THRAP3: variants seen among roughly 807,000 people sequenced by gnomAD.
The protein encoded by THRAP3 is thyroid hormone receptor associated protein 3, also known as thyroid hormone receptor-associated protein 3.
A neutral mutation model predicts 101.0 loss-of-function variants in THRAP3; 16 were observed. That is an observed-to-expected ratio of 0.16 (90% CI 0.11 to 0.24). THRAP3 has a LOEUF of 0.24. THRAP3 is among the 10% of genes least tolerant of loss of function. The pLI is 1.00. For synonymous variants in THRAP3, 407 were observed against 422.6 expected, an observed-to-expected ratio of 0.96 and a Z score of 0.45; for missense variants, 989 against 1,202.7, an observed-to-expected ratio of 0.82 and a Z score of 2.63.
chr1:36,287,258 C>T lies in THRAP3; in HGVS notation c.1028C>T (p.Ala343Val). Residue 343 changes from alanine to valine, a missense_variant, in exon 4 of 12, where the codon GCC (alanine) becomes GTC (valine). Coordinates refer to ENST00000354618, the MANE Select transcript of THRAP3 (RefSeq NM_005119.4). ...KEESAASGGA[A>V]YTKRYLEEQK... ...GAGAGTGCTGCTTCAGGAGGAGCAG[C>T]CTATACAAAGAGGCAAGTATCTCAT... is the stretch of plus-strand genomic sequence containing the variant. The T allele has an allele frequency of 5.6e-6, 9 of 1,602,874 alleles. No individual in the cohort carries two copies. The highest frequency in any genetic ancestry group is 7.7e-6 in the Non-Finnish European group (9 of 1,174,336).
upstream of THRAP3, among the ~76,000 whole-genome samples, chr1:36,223,996 A>C (rs1267915091): frequency 6.6e-6 from 1 of 152,134 alleles, no homozygotes; most frequent in African/African-American, 2.4e-5. Flanking sequence ...GAGAGGAGGG[A>C]TGAATTTGCT....
Position 36,304,138 on chromosome 1 carries a change from C to T in THRAP3, c.*121C>T, listed in dbSNP as rs528690330. 99 of 1,393,806 alleles carry T rather than the reference C, an allele frequency of 7.1e-5. 1 individual carries two copies. The Admixed American group carries it at 7.7e-4, about 11-fold the overall frequency. 86.3% of individuals were successfully genotyped at this position (1,393,806 alleles called of 1,614,324 possible). A position where few individuals can be genotyped will look rare whatever the true frequency, so the allele number is the denominator to read the frequency against. On this transcript the variant is annotated 3_prime_UTR_variant, in exon 12 of 12. Coordinates refer to ENST00000354618, the MANE Select transcript of THRAP3 (RefSeq NM_005119.4). ...AATCCTACCCCCACCCCCCACCAGC[C>T]GCACAGATTGTACTACCGCGAGAGG...
At chr1:36,261,832 G>A (rs900220817) in intron 2 of THRAP3, among the ~76,000 whole-genome samples, 3 of 152,112 alleles carry the variant, frequency 2.0e-5, no homozygotes, top group African/African-American at 4.8e-5. Context: ...GGTCTCTTAC[G>A]TAGAGTTGTG....
At chr1:36,256,222 AT>A (rs1645373810) in intron 1 of THRAP3, among the ~76,000 whole-genome samples, 1 of 87,898 alleles carries the variant, frequency 1.1e-5, no homozygotes, top group Admixed American at 1.3e-4. Context: ...TATTATTGTT[AT>A]TATTATTATT....
chr1:36,282,802 TG>T (rs543579250), intron 3 of THRAP3, 102 bp downstream of exon 3: 92 of 1,381,116 alleles, frequency 6.7e-5, no homozygotes, highest in Non-Finnish European at 8.4e-5. Flanking sequence ...TCAAATGGAC[TG>T]GGGGGTTGGC....
At chr1:36,227,882 CTT>C (rs1371194774) in intron 1 of THRAP3, among the ~76,000 whole-genome samples, 2 of 151,690 alleles carry the variant, frequency 1.3e-5, no homozygotes, top group African/African-American at 2.4e-5. Flanking sequence ...GCAGGACACT[CTT>C]TTTGTTTTTG....
At chr1:36,255,426 G>A (rs552693488) in intron 1 of THRAP3, among the ~76,000 whole-genome samples, 2 of 151,914 alleles carry the variant, frequency 1.3e-5, no homozygotes, top group South Asian at 2.1e-4. Context: ...GCAGGTGTTC[G>A]AAACCAGCCT....
Position 36,291,555 on chromosome 1 carries a change from A to C in THRAP3, c.1918+9A>C. On this transcript the variant is annotated intron_variant, in intron 6 of 11. Transcript: ENST00000354618. ...TGTTCACCATGTTAAAGGTGAGTCC[A>C]GACCCTGGCCTGCTTCAGGCTCGTG... 6.2e-7 allele frequency: 1 copy of C among 1,613,130 alleles called. No homozygotes were observed. Among genetic ancestry groups the C allele is most frequent in the Non-Finnish European group, 8.5e-7 (1 of 1,179,174 alleles).
At chr1:36,215,996 G>A in the THRAP3 span, among the ~76,000 whole-genome samples, 7 of 151,980 alleles carry the variant, frequency 4.6e-5, no homozygotes, top group South Asian at 6.3e-4. Context: ...TGATCCACCC[G>A]CCTCAGCCTC....
intron 1 of THRAP3, among the ~76,000 whole-genome samples, chr1:36,242,358 G>GC (rs1408092238): frequency 6.6e-6 from 1 of 151,746 alleles, no homozygotes; most frequent in Non-Finnish European, 1.5e-5. Flanking sequence ...TTGCCATGTT[G>GC]CCCAGGTTGA....
At chr1:36,240,511 T>C (rs1230658744) in intron 1 of THRAP3, among the ~76,000 whole-genome samples, 4 of 152,302 alleles carry the variant, frequency 2.6e-5, no homozygotes, top group East Asian at 1.9e-4. Context: ...CCCACCCACA[T>C]TGAGAGTCCA....
chr1:36,277,476 A>G (rs1324301928), intron 2 of THRAP3, among the ~76,000 whole-genome samples: 1 of 151,874 alleles, frequency 6.6e-6, no homozygotes, highest in Admixed American at 6.6e-5. Context: ...CTGGGATTAC[A>G]AGTGTGAACC....
chr1:36,220,251 C>T (rs1236390670), upstream of THRAP3, among the ~76,000 whole-genome samples: 1 of 152,186 alleles, frequency 6.6e-6, no homozygotes, highest in Non-Finnish European at 1.5e-5. Context: ...TCTCGGCCTG[C>T]CAAAATGTTG....
At position 36,287,069 on chromosome 1, in the gene THRAP3, C is replaced by T; in HGVS notation, c.839C>T (p.Thr280Ile). ...AAACCTAGTCCTCCACTTTCCAGCA[C>T]ATCCCAGATGGGCTCAACTCTGCCG... ...VPKPSPPLSS[T>I]SQMGSTLPSG... The change falls in exon 4 of 12, where the codon ACA becomes ATA. Residue 280 changes from threonine to isoleucine, a missense_variant. Transcript: ENST00000354618. The T allele has an allele frequency of 1.2e-6, 2 of 1,613,840 alleles. No homozygotes were observed. Among genetic ancestry groups the T allele is most frequent in the Non-Finnish European group, 1.7e-6 (2 of 1,179,768 alleles).
chr1:36,241,092 A>G (rs1007700197), intron 1 of THRAP3, among the ~76,000 whole-genome samples: 4 of 150,738 alleles, frequency 2.7e-5, no homozygotes, highest in African/African-American at 9.8e-5. Flanking sequence ...CTGTAGTCCC[A>G]GCTACTTGGG....
At chr1:36,260,945 T>C (rs1240291195) in intron 2 of THRAP3, among the ~76,000 whole-genome samples, 2 of 152,206 alleles carry the variant, frequency 1.3e-5, no homozygotes, top group African/African-American at 2.4e-5. Context: ...ACATGTTGTG[T>C]TTACTTTTCC....
chr1:36,211,827 A>G, the THRAP3 span, among the ~76,000 whole-genome samples: 1 of 152,170 alleles, frequency 6.6e-6, no homozygotes, highest in African/African-American at 2.4e-5. Context: ...CCTCTCTTCC[A>G]TAGGTGGCCC....
At chr1:36,215,762 T>C in the THRAP3 span, among the ~76,000 whole-genome samples, 1 of 152,024 alleles carries the variant, frequency 6.6e-6, no homozygotes, top group Non-Finnish European at 1.5e-5. Context: ...TCTTTTTTTT[T>C]TTTTGAGACA....
intron 1 of THRAP3, among the ~76,000 whole-genome samples, chr1:36,231,198 T>A (rs144739616): frequency 6.6e-6 from 1 of 151,948 alleles, no homozygotes; most frequent in East Asian, 1.9e-4. Flanking sequence ...TTGTTTCTTC[T>A]TAAAAAAAAA....
Sources: allele counts gnomAD v4.1 joint callset (sites outside exome capture counted in the v4.1 genomes callset), GRCh38; gene constraint gnomAD v4.1.1; transcripts MANE v1.5; gene names NCBI Gene and HGNC (gene_info 2026-07-23, HGNC 2026-07-21).